RAD51B: variants seen among roughly 807,000 people sequenced by gnomAD.
RAD51B encodes DNA repair protein RAD51 homolog 2.
Under a neutral mutation model 42.2 loss-of-function variants are expected in RAD51B, and 38 were observed. The ratio of observed to expected loss-of-function variants is 0.90; its 90% CI spans 0.70 to 1.18. RAD51B has a LOEUF of 1.18. Ranked by LOEUF, RAD51B falls within the 50% of genes most tolerant of loss-of-function variation. The pLI, the probability that RAD51B is intolerant of heterozygous loss-of-function variation, is 0.00. For synonymous variants in RAD51B, 154 were observed against 145.2 expected (o/e 1.06, Z -0.43); for missense variants, 373 against 400.7 (o/e 0.93, Z 0.59).
chr14:68,632,931 A>G (rs1395439859), intron 10 of RAD51B, among the ~76,000 whole-genome samples: 4 of 136,184 alleles, frequency 2.9e-5, no homozygotes, highest in Non-Finnish European at 4.7e-5. Context: ...ACACACCACC[A>G]TGCCCAGCTA....
intron 7 of RAD51B, among the ~76,000 whole-genome samples, chr14:68,157,722 A>G (rs1023710091): frequency 1.3e-5 from 2 of 152,236 alleles, no homozygotes; most frequent in Admixed American, 6.5e-5. Context: ...AATAATGGCA[A>G]TAACAAACTA....
intron 8 of RAD51B, among the ~76,000 whole-genome samples, chr14:68,308,704 T>TAAAAA (rs67048671): frequency 9.6e-5 from 10 of 104,304 alleles, no homozygotes; most frequent in East Asian, 5.5e-4. Context: ...TCTGTGTCAT[T>TAAAAA]AAAAAAAAAA....
chr14:68,440,054 G>C (rs956547477), intron 9 of RAD51B, among the ~76,000 whole-genome samples: 2 of 152,168 alleles, frequency 1.3e-5, no homozygotes, highest in African/African-American at 4.8e-5. Context: ...TGATGCATTT[G>C]GATTCTAATT....
At chr14:68,004,004 T>C (rs1004637837) in intron 7 of RAD51B, among the ~76,000 whole-genome samples, 1 of 152,134 alleles carries the variant, frequency 6.6e-6, no homozygotes, top group Admixed American at 6.5e-5. Context: ...TTAATGGCTT[T>C]TGTAGTGTTA....
At chr14:68,276,967 A>G (rs1237099139) in intron 7 of RAD51B, among the ~76,000 whole-genome samples, 1 of 152,232 alleles carries the variant, frequency 6.6e-6, no homozygotes, top group Admixed American at 6.5e-5. Context: ...CTGCACTTGA[A>G]AAGATGAGTG....
intron 7 of RAD51B, among the ~76,000 whole-genome samples, chr14:68,112,583 A>G (rs1386692667): frequency 6.6e-6 from 1 of 152,122 alleles, no homozygotes; most frequent in Non-Finnish European, 1.5e-5. Context: ...AGTAATTCAG[A>G]TTTAATTATC....
At chr14:68,606,044 C>G (rs1891432107) in intron 10 of RAD51B, among the ~76,000 whole-genome samples, 1 of 152,184 alleles carries the variant, frequency 6.6e-6, no homozygotes, top group African/African-American at 2.4e-5. Context: ...TGAGAATCAC[C>G]CGGGAGCTTT....
chr14:67,907,071 A>T (rs2043803620), intron 7 of RAD51B, among the ~76,000 whole-genome samples: 1 of 152,078 alleles, frequency 6.6e-6, no homozygotes, highest in Admixed American at 6.6e-5. Flanking sequence ...GGCCTCCCAA[A>T]GTTCTGGGAT....
intron 9 of RAD51B, among the ~76,000 whole-genome samples, chr14:68,449,118 A>G (rs1428005978): frequency 1.3e-5 from 2 of 152,228 alleles, no homozygotes; most frequent in African/African-American, 2.4e-5. Flanking sequence ...GATATACAGG[A>G]ATGCAGTTAA....
chr14:68,650,719 G>A (rs1892682831), intron 10 of RAD51B: 2 of 707,366 alleles, frequency 2.8e-6, no homozygotes, highest in Non-Finnish European at 5.2e-6. Flanking sequence ...AAGCCTGGAT[G>A]AATCCTCTCA....
chr14:68,608,027 G>A (rs1566953628), intron 10 of RAD51B, among the ~76,000 whole-genome samples: 1 of 152,230 alleles, frequency 6.6e-6, no homozygotes, highest in Admixed American at 6.5e-5. Flanking sequence ...GTGGTATGAG[G>A]CCAAAGGTTC....
At chr14:68,128,603 A>G (rs1036407433) in intron 7 of RAD51B, among the ~76,000 whole-genome samples, 1 of 151,684 alleles carries the variant, frequency 6.6e-6, no homozygotes, top group Non-Finnish European at 1.5e-5. Context: ...GAGGTGGGAG[A>G]ACCACTTGAA....
At chr14:68,272,373 G>A (rs933185095) in intron 7 of RAD51B, among the ~76,000 whole-genome samples, 5 of 151,924 alleles carry the variant, frequency 3.3e-5, no homozygotes, top group Admixed American at 2.6e-4. Context: ...CTAAGTGGAC[G>A]ACCCAGTTAT....
intron 7 of RAD51B, among the ~76,000 whole-genome samples, chr14:68,032,139 A>C (rs1764433584): frequency 1.3e-5 from 2 of 152,214 alleles, no homozygotes; most frequent in East Asian, 3.8e-4. Flanking sequence ...AATAATACCT[A>C]GGTCATGGAG....
At chr14:68,448,743 C>T (rs1021668231) in intron 9 of RAD51B, among the ~76,000 whole-genome samples, 1 of 152,148 alleles carries the variant, frequency 6.6e-6, no homozygotes, top group African/African-American at 2.4e-5. Context: ...TCTCTGGTGA[C>T]ACCGAATTGC....
intron 10 of RAD51B, among the ~76,000 whole-genome samples, chr14:68,603,860 T>G (rs1048416959): frequency 3.3e-5 from 5 of 152,176 alleles, no homozygotes; most frequent in African/African-American, 7.2e-5. Context: ...TCAGGCTACC[T>G]CCGTGCCAGA....
chr14:67,891,096 A>G (rs1174357548), intron 7 of RAD51B, among the ~76,000 whole-genome samples: 1 of 152,124 alleles, frequency 6.6e-6, no homozygotes, highest in Non-Finnish European at 1.5e-5. Flanking sequence ...CAGTTGTTAT[A>G]TGAATAATAT....
At chr14:68,680,562 G>A (rs896817451) in intron 11 of RAD51B, among the ~76,000 whole-genome samples, 1 of 152,132 alleles carries the variant, frequency 6.6e-6, no homozygotes, top group Admixed American at 6.6e-5. Flanking sequence ...ACAAGCCAAT[G>A]CAAGCTTCAG....
intron 10 of RAD51B, among the ~76,000 whole-genome samples, chr14:68,622,723 C>CAA (rs34816047): frequency 0.27 from 31,559 of 115,162 alleles, 4,559 homozygotes; most frequent in East Asian, 0.46. Context: ...TATCCATTTA[C>CAA]AAAAAAAAAA....
Sources: allele counts gnomAD v4.1 joint callset (sites outside exome capture counted in the v4.1 genomes callset), GRCh38; gene constraint gnomAD v4.1.1; transcripts MANE v1.5; gene names NCBI Gene and HGNC (gene_info 2026-07-23, HGNC 2026-07-21).